The following IL10RA variants were observed in gnomAD, a reference collection of about 807,000 sequenced individuals.
IL10RA encodes interleukin-10 receptor subunit alpha.
A neutral mutation model predicts 29.6 loss-of-function variants in IL10RA; 18 were observed. The observed-to-expected ratio is 0.61, with a 90% CI of 0.42 to 0.90. The LOEUF (loss-of-function observed/expected upper bound fraction) is 0.90. Ranked by LOEUF, IL10RA falls within the 40% of genes least tolerant of loss-of-function variation. The pLI is 0.00. For missense variants in IL10RA, 634 were observed against 716.6 expected (o/e 0.88, Z 1.32); for synonymous variants, 292 against 294.1 (o/e 0.99, Z 0.07).
At chr11:118,001,994 C>T (rs990236521), downstream of IL10RA, 2 of 154,862 alleles carry the variant, frequency 1.3e-5, no homozygotes, top group African/African-American at 2.4e-5. Context: ...CCTGGAAACC[C>T]CTCCTTTCCA....
At chr11:117,996,389 G>T (rs903474241) in intron 6 of IL10RA, among the ~76,000 whole-genome samples, 4 of 152,280 alleles carry the variant, frequency 2.6e-5, no homozygotes, top group African/African-American at 9.6e-5. Context: ...TACATTTGTG[G>T]CAAGCCAGTC....
chr11:117,999,605 C>T lies in IL10RA; in HGVS notation c.1701C>T (p.Thr567=), dbSNP rs779173498. ...LLGSFNSDLV[T]LPLISSLQSS... is the part of the protein sequence containing the mutation. ...GCAGCTTTAACTCAGACCTGGTCACCCTGCCCCTCATCTCTAGCCTGCAGT... is the reference window on the plus strand; with the variant it reads ...GCAGCTTTAACTCAGACCTGGTCACTCTGCCCCTCATCTCTAGCCTGCAGT... Residue 567 remains threonine (T), a synonymous_variant, in exon 7 of 7, where the codon ACC becomes ACT. Coordinates refer to ENST00000227752, the MANE Select transcript of IL10RA (RefSeq NM_001558.4). The T allele has an allele frequency of 2.0e-5, 33 of 1,614,040 alleles. No homozygotes were observed. Among genetic ancestry groups the T allele is most frequent in the Non-Finnish European group, 2.6e-5 (31 of 1,180,032 alleles).
At position 118,000,464 on chromosome 11, in the gene IL10RA, G is replaced by C; in HGVS notation, c.*823G>C. ...CATCTTGCTGACAACTTCCAGAGAAGCCATGGTTTTTTGTATTGGTCATAA... is the reference window on the plus strand; with the variant it reads ...CATCTTGCTGACAACTTCCAGAGAACCCATGGTTTTTTGTATTGGTCATAA... On this transcript the variant is annotated 3_prime_UTR_variant, in exon 7 of 7. Transcript: ENST00000227752. 1 of 454,266 alleles carries C rather than the reference G, an allele frequency of 2.2e-6. No homozygotes were observed. The highest frequency in any genetic ancestry group is 4.4e-6 in the Non-Finnish European group (1 of 226,796). The allele number at this position is 454,266 out of a possible 1,614,324, so 28.1% of individuals were successfully genotyped here.
At position 118,000,062 on chromosome 11, in the gene IL10RA, A is replaced by C. The variant is rs1200867723; in HGVS notation, c.*421A>C. On this transcript the variant is annotated 3_prime_UTR_variant, in exon 7 of 7. Transcript: ENST00000227752. ...CCTGCTTAGGCCACTCGAGCATCAGAGCTTCCAGCAGGAGGAAGGGCTGTA... is the reference window on the plus strand; with the variant it reads ...CCTGCTTAGGCCACTCGAGCATCAGCGCTTCCAGCAGGAGGAAGGGCTGTA... The C allele has an allele frequency of 3.5e-5, 16 of 459,734 alleles. No homozygotes were observed. Among genetic ancestry groups the C allele is most frequent in the Non-Finnish European group, 6.1e-5 (14 of 231,020 alleles). The allele number at this position is 459,734 out of a possible 1,614,324, so 28.5% of individuals were successfully genotyped here.
chr11:117,995,678 G>C lies in IL10RA; in HGVS notation c.778G>C (p.Val260Leu). The change falls in exon 6 of 7, where the codon GTG becomes CTG. Residue 260 changes from valine to leucine, a missense_variant. Coordinates refer to ENST00000227752, the MANE Select transcript of IL10RA (RefSeq NM_001558.4). Reference sequence around the variant, plus strand: ...CTACTGCCTGGCCCTCCAGCTGTATGTGCGGCGCCGAAAGAAGCTACCCAG... The same window carrying C: ...CTACTGCCTGGCCCTCCAGCTGTATCTGCGGCGCCGAAAGAAGCTACCCAG... ...LAYCLALQLY[V>L]RRRKKLPSVL... 4 of 1,614,024 alleles carry C rather than the reference G, an allele frequency of 2.5e-6. No homozygotes were observed. Among genetic ancestry groups the C allele is most frequent in the Non-Finnish European group, 3.4e-6 (4 of 1,180,044 alleles).
At chr11:117,988,571 T>C in intron 2 of IL10RA, 69 bp downstream of exon 2, 1 of 1,577,978 alleles carries the variant, frequency 6.3e-7, no homozygotes, top group South Asian at 1.1e-5. Context: ...TCTCCTAGCA[T>C]GGGAAGATAC....
At position 118,000,435 on chromosome 11, in the gene IL10RA, C is replaced by A. The variant is rs181251274; in HGVS notation, c.*794C>A. On this transcript the variant is annotated 3_prime_UTR_variant, in exon 7 of 7. Transcript: ENST00000227752. ...CCACTCACATCCTCACTTTGCTGCC[C>A]CACCATCTTGCTGACAACTTCCAGA... 5 of 454,294 alleles carry A rather than the reference C, an allele frequency of 1.1e-5. 1 individual carries two copies. The East Asian group carries it at 3.4e-4, about 31-fold the overall frequency. 28.1% of individuals were successfully genotyped at this position (454,294 alleles called of 1,614,324 possible). A position where few individuals can be genotyped will look rare whatever the true frequency, so the allele number is the denominator to read the frequency against.
At chr11:117,991,193 G>C (rs2058020236) in intron 3 of IL10RA, among the ~76,000 whole-genome samples, 1 of 151,946 alleles carries the variant, frequency 6.6e-6, no homozygotes, top group Admixed American at 6.5e-5. Context: ...GCGAGACTCT[G>C]TCTCAAAAAA....
At chr11:117,994,948 A>C (rs1460076008) in intron 5 of IL10RA, 1 of 160,346 alleles carries the variant, frequency 6.2e-6, no homozygotes, top group Non-Finnish European at 1.4e-5. Flanking sequence ...GGTATCAGGC[A>C]GTCTTAAGAG....
chr11:118,002,946 A>G (rs2058104591), downstream of IL10RA: 1 of 152,258 alleles, frequency 6.6e-6, no homozygotes, highest in African/African-American at 2.4e-5. Context: ...GTGTGAGCTA[A>G]TGGAACTTCC....
Position 118,000,072 on chromosome 11 carries a change from A to G in IL10RA, c.*431A>G, listed in dbSNP as rs1029685030. 4.4e-6 allele frequency: 2 copies of G among 459,198 alleles called. No individual in the cohort carries two copies. The highest frequency in any genetic ancestry group is 1.4e-4 in the East Asian group (2 of 14,698). 28.4% of individuals were successfully genotyped at this position (459,198 alleles called of 1,614,324 possible). A position where few individuals can be genotyped will look rare whatever the true frequency, so the allele number is the denominator to read the frequency against. On this transcript the variant is annotated 3_prime_UTR_variant, in exon 7 of 7. Coordinates refer to ENST00000227752, the MANE Select transcript of IL10RA (RefSeq NM_001558.4). ...CCACTCGAGCATCAGAGCTTCCAGC[A>G]GGAGGAAGGGCTGTAGGAATGGAAG...
rs559098167 is a variant in IL10RA, at chr11:117,986,792, T to C, written c.67+258T>C. 3.0e-5 allele frequency: 45 copies of C among 1,523,220 alleles called. No homozygotes were observed. In the African/African-American group the frequency reaches 5.4e-4, roughly 18 times the overall value. The allele number at this position is 1,523,220 out of a possible 1,614,324, so 94.4% of individuals were successfully genotyped here. A position where few individuals can be genotyped will look rare whatever the true frequency, so the allele number is the denominator to read the frequency against. On this transcript the variant is annotated intron_variant, in intron 1 of 6. Coordinates refer to ENST00000227752, the MANE Select transcript of IL10RA (RefSeq NM_001558.4). Reference sequence around the variant, plus strand: ...AACCCCCAACCCGCAAACCTCATCATCCACCCACTTCTAGATGAGCCGTAA... The same window carrying C: ...AACCCCCAACCCGCAAACCTCATCACCCACCCACTTCTAGATGAGCCGTAA...
In IL10RA at chr11:117,993,233, C is replaced by T. The variant is rs2058035042; in HGVS notation, c.368-8C>T. 6 of 1,613,804 alleles carry T rather than the reference C, an allele frequency of 3.7e-6. No homozygotes were observed. The highest frequency in any genetic ancestry group is 5.1e-6 in the Non-Finnish European group (6 of 1,179,748). ...CATGGTATTCCCCCCCACCCCAACT[C>T]CATTTAGTGACTCTGACAGTTGGCA... is the stretch of plus-strand genomic sequence containing the variant. On this transcript the variant is annotated splice_polypyrimidine_tract_variant and splice_region_variant and intron_variant, in intron 3 of 6. Coordinates refer to ENST00000227752, the MANE Select transcript of IL10RA (RefSeq NM_001558.4).
chr11:117,999,455 C>A lies in IL10RA; in HGVS notation c.1551C>A (p.Asn517Lys). Residue 517 changes from asparagine to lysine, a missense_variant, in exon 7 of 7, where the codon AAC (asparagine) becomes AAA (lysine). Transcript: ENST00000227752. ...ASSGAPTGQW[N>K]QPTEEWSLLA... ...CAGGGGCCCCAACGGGACAGTGGAACCAGCCCACTGAGGAATGGTCACTCC... is the reference window on the plus strand; with the variant it reads ...CAGGGGCCCCAACGGGACAGTGGAAACAGCCCACTGAGGAATGGTCACTCC... The A allele has an allele frequency of 7.4e-6, 12 of 1,614,240 alleles. No individual in the cohort carries two copies. The highest frequency in any genetic ancestry group is 1.6e-4 in the Middle Eastern group (1 of 6,062).
chr11:117,992,855 T>C (rs2058032117), intron 3 of IL10RA, among the ~76,000 whole-genome samples: 1 of 152,232 alleles, frequency 6.6e-6, no homozygotes, highest in South Asian at 2.1e-4. Flanking sequence ...ATCCATTTTG[T>C]GTTGATTGTT....
rs1176180127 is a variant in IL10RA at position 118,001,460 on chromosome 11, A to G, written c.*1819A>G. 1 of 428,166 alleles carries G rather than the reference A, an allele frequency of 2.3e-6. No individual in the cohort carries two copies. The highest frequency in any genetic ancestry group is 7.1e-5 in the East Asian group (1 of 14,180). 26.5% of individuals were successfully genotyped at this position (428,166 alleles called of 1,614,324 possible). A position where few individuals can be genotyped will look rare whatever the true frequency, so the allele number is the denominator to read the frequency against. On this transcript the variant is annotated 3_prime_UTR_variant, in exon 7 of 7. Coordinates refer to ENST00000227752, the MANE Select transcript of IL10RA (RefSeq NM_001558.4). The stretch of plus-strand genomic sequence containing the variant: ...ATAAGTGATACATGTTTTTTATTCC[A>G]ATAAATTGTCAAGACCACAGGAATC...
downstream of IL10RA, chr11:118,002,895 C>G (rs2058104342): frequency 6.6e-6 from 1 of 152,240 alleles, no homozygotes; most frequent in South Asian, 2.1e-4. Flanking sequence ...CAATCTCCTT[C>G]AAGGGCTTTT....
Position 117,989,041 on chromosome 11 carries a change from G to A in IL10RA, c.189-401G>A, listed in dbSNP as rs538788704. ...CTCCCAAAGGGCTGGGATTACTGGC[G>A]TGAGCCACCACCTCCGGCCTCCAAG... On this transcript the variant is annotated intron_variant, in intron 2 of 6. Coordinates refer to ENST00000227752, the MANE Select transcript of IL10RA (RefSeq NM_001558.4). This position sits in a 1 kb window ranked among gnomAD's most constrained non-coding sequence, Gnocchi z 4.5. 6.6e-5 allele frequency among the ~76,000 whole-genome samples: 10 copies of A among 152,340 alleles called. No homozygotes were observed. The highest frequency in any genetic ancestry group is 2.1e-4 in the South Asian group (1 of 4,826).
At chr11:117,988,880 C>G (rs1055905994) in intron 2 of IL10RA, among the ~76,000 whole-genome samples, 4 of 152,216 alleles carry the variant, frequency 2.6e-5, no homozygotes, top group African/African-American at 4.8e-5. Context: ...CCCATCTCAG[C>G]CTCCCAAGTA....
Sources: gnomAD v4.1 joint callset for allele counts (sites outside exome capture counted in the v4.1 genomes callset) on GRCh38, gnomAD v4.1.1 for gene constraint, Gnocchi (gnomAD v3.1) non-coding constraint, MANE v1.5 for transcripts, NCBI Gene and HGNC (gene_info 2026-07-23, HGNC 2026-07-21) for gene names.